The following SFXN4 variants were observed in gnomAD, a reference collection of about 807,000 sequenced individuals.
The protein encoded by SFXN4 is sideroflexin-4.
A neutral mutation model predicts 54.6 loss-of-function variants in SFXN4; 48 were observed. The observed-to-expected ratio is 0.88, with a 90% CI of 0.70 to 1.12. The LOEUF is 1.12. SFXN4 is among the 50% of genes most tolerant of loss of function. The probability of loss-of-function intolerance (pLI) is 0.00; values close to 1 mark genes in which losing one functional copy is unlikely to be tolerated. For missense variants in SFXN4, 383 were observed against 409.2 expected, an observed-to-expected ratio of 0.94 and a Z score of 0.55; for synonymous variants, 130 against 145.5, an observed-to-expected ratio of 0.89 and a Z score of 0.77.
chr10:119,146,162 GA>G lies in SFXN4; in HGVS notation c.936+73del, dbSNP rs1222234558. 4.7e-6 allele frequency: 4 copies of G among 855,524 alleles called. No homozygotes were observed. In the East Asian group the frequency reaches 9.9e-5, roughly 21 times the overall value. 53.0% of individuals were successfully genotyped at this position (855,524 alleles called of 1,614,324 possible). A position where few individuals can be genotyped will look rare whatever the true frequency, so the allele number is the denominator to read the frequency against. ...TTTTATAAACTTTGCAGAGTTTTAA[GA>G]AGAATAACTTATTTTATTCTTCTAA... is the stretch of plus-strand genomic sequence containing the variant. On this transcript the variant is annotated intron_variant, in intron 13 of 13. Transcript: ENST00000355697.
At chr10:119,153,784 T>C (rs1004689952) in intron 11 of SFXN4, among the ~76,000 whole-genome samples, 2 of 152,210 alleles carry the variant, frequency 1.3e-5, no homozygotes, top group African/African-American at 2.4e-5. Flanking sequence ...CGGGTCACCA[T>C]GGCAACAGTA....
rs376812634 is a variant in SFXN4 at position 119,140,851 on chromosome 10, G to A, written c.*391C>T. 10 of 165,490 alleles carry A rather than the reference G, an allele frequency of 6.0e-5. No individual in the cohort carries two copies. Among genetic ancestry groups the A allele is most frequent in the Non-Finnish European group, 1.3e-4 (10 of 76,792 alleles). 10.3% of individuals were successfully genotyped at this position (165,490 alleles called of 1,614,324 possible). ...GGCGTAAACAGCGCCCCAGGGGTACGTGTTCCGCTTGAGACGGCCTATCCA... is the reference window on the plus strand; with the variant it reads ...GGCGTAAACAGCGCCCCAGGGGTACATGTTCCGCTTGAGACGGCCTATCCA... On this transcript the variant is annotated 3_prime_UTR_variant, in exon 14 of 14. Transcript: ENST00000355697.
At chr10:119,163,830 G>T (rs528714223) in intron 2 of SFXN4, among the ~76,000 whole-genome samples, 3 of 151,794 alleles carry the variant, frequency 2.0e-5, no homozygotes, top group Admixed American at 2.0e-4. Context: ...GCCTGAGGTC[G>T]GGAGTTCAAG....
intron 13 of SFXN4, among the ~76,000 whole-genome samples, chr10:119,145,868 G>C (rs1208951345): frequency 6.6e-6 from 1 of 152,094 alleles, no homozygotes; most frequent in Non-Finnish European, 1.5e-5. Context: ...TCTCAGCCAG[G>C]CTGGAGTGCA....
chr10:119,158,228 G>T, intron 6 of SFXN4, 166 bp from the exon 7 acceptor site: 1 of 658,466 alleles, frequency 1.5e-6, no homozygotes. Context: ...AAGGTTGAGT[G>T]AGCACCTGCC....
intron 2 of SFXN4, 152 bp from the exon 3 acceptor site, chr10:119,162,566 A>G (rs775556164): frequency 2.8e-5 from 18 of 647,024 alleles, no homozygotes; most frequent in Non-Finnish European, 5.0e-5. Context: ...CTCTCTATCC[A>G]TTAGGATAGC....
At chr10:119,162,288 C>T in intron 3 of SFXN4, 52 bp downstream of exon 3, 1 of 1,434,528 alleles carries the variant, frequency 7.0e-7, no homozygotes, top group Non-Finnish European at 9.8e-7. Context: ...TCAGACCATG[C>T]AGGCAGAACC....
intron 6 of SFXN4, among the ~76,000 whole-genome samples, chr10:119,159,443 C>G (rs1257783372): frequency 6.6e-6 from 1 of 152,160 alleles, no homozygotes; most frequent in Non-Finnish European, 1.5e-5. Flanking sequence ...CTGGCCGCTT[C>G]TACCGTGCTC....
intron 3 of SFXN4, among the ~76,000 whole-genome samples, chr10:119,161,437 C>CAAAAAAAAAAAA: frequency 8.3e-6 from 1 of 119,840 alleles, no homozygotes; most frequent in Non-Finnish European, 1.7e-5. Flanking sequence ...CAAAAAAAAA[C>CAAAAAAAAAAAA]AAAAAAAAAA....
chr10:119,154,134 C>T (rs1462184428), intron 11 of SFXN4, among the ~76,000 whole-genome samples: 6 of 150,782 alleles, frequency 4.0e-5, no homozygotes, highest in African/African-American at 1.2e-4. Context: ...GCTGAGATCA[C>T]GCCATTGCAC....
chr10:119,154,005 C>T (rs1040228463), intron 11 of SFXN4, among the ~76,000 whole-genome samples: 5 of 151,980 alleles, frequency 3.3e-5, no homozygotes, highest in African/African-American at 1.2e-4. Context: ...CGGTGAAACC[C>T]CACCTCTACT....
intron 1 of SFXN4, 197 bp downstream of exon 1, chr10:119,165,339 CT>C (rs1847724690): frequency 6.2e-6 from 8 of 1,299,102 alleles, no homozygotes; most frequent in Non-Finnish European, 7.8e-6. Flanking sequence ...CATCTGGCAG[CT>C]TCGATTTCCC....
In SFXN4 at chr10:119,158,061, A is replaced by G; in HGVS notation, c.362T>C (p.Val121Ala). Residue 121 changes from valine to alanine, a missense_variant and splice_region_variant, in exon 7 of 14, where the codon GTA becomes GCA. Coordinates refer to ENST00000355697, the MANE Select transcript of SFXN4 (RefSeq NM_213649.2). ...TTTCAGTGGCGTCATTGACAAAAATACCTTTTAAGAAGACAGTGGAACAGA... is the reference window on the plus strand; with the variant it reads ...TTTCAGTGGCGTCATTGACAAAAATGCCTTTTAAGAAGACAGTGGAACAGA... ...AAFLPFMAPT[V>A]FLSMTPLKGI... is the part of the protein sequence containing the mutation. The G allele has an allele frequency of 6.2e-7, 1 of 1,613,994 alleles. No individual in the cohort carries two copies. Among genetic ancestry groups the G allele is most frequent in the East Asian group, 2.2e-5 (1 of 44,888 alleles).
chr10:119,154,051 A>ATG (rs1285499552), intron 11 of SFXN4, among the ~76,000 whole-genome samples: 1 of 151,906 alleles, frequency 6.6e-6, no homozygotes, highest in East Asian at 1.9e-4. Context: ...GGTGGTACGC[A>ATG]CCTGTAATCC....
intron 11 of SFXN4, among the ~76,000 whole-genome samples, chr10:119,154,111 G>C (rs1014476022): frequency 2.0e-5 from 3 of 151,618 alleles, no homozygotes; most frequent in African/African-American, 7.3e-5. Flanking sequence ...CCAGGAAGCG[G>C]AGGTTGCAGT....
intron 3 of SFXN4, 141 bp from the exon 4 acceptor site, chr10:119,161,222 G>A (rs1312743678): frequency 8.1e-6 from 6 of 742,524 alleles, no homozygotes; most frequent in African/African-American, 1.8e-5. Context: ...GGGTTCAAAC[G>A]ATCCTCCCAC....
chr10:119,151,763 G>GC (rs1847078686), intron 11 of SFXN4, among the ~76,000 whole-genome samples: 1 of 151,478 alleles, frequency 6.6e-6, no homozygotes, highest in Non-Finnish European at 1.5e-5. Context: ...TGATCTACCT[G>GC]CCTCAGACCC....
At chr10:119,165,273 G>A in intron 1 of SFXN4, 2 of 1,192,402 alleles carry the variant, frequency 1.7e-6, no homozygotes, top group Non-Finnish European at 2.1e-6. Context: ...GCAGCCACCT[G>A]CGCGGACTGG....
intron 9 of SFXN4, 80 bp downstream of exon 9, chr10:119,157,588 A>C (rs1016495123): frequency 3.4e-6 from 4 of 1,167,578 alleles, no homozygotes; most frequent in Non-Finnish European, 4.9e-6. Flanking sequence ...AAATTGGAAC[A>C]TAAATTTGTA....
Sources: allele counts gnomAD v4.1 joint callset (sites outside exome capture counted in the v4.1 genomes callset), GRCh38; gene constraint gnomAD v4.1.1; transcripts MANE v1.5; gene names NCBI Gene and HGNC (gene_info 2026-07-23, HGNC 2026-07-21).